Variants in RNF130 observed in about 807,000 individuals in gnomAD.
RNF130 encodes ring finger protein 130.
In RNF130, 21 loss-of-function variants were observed where a neutral mutation model predicts 44.6. The ratio of observed to expected loss-of-function variants is 0.47; its 90% CI spans 0.33 to 0.68. The LOEUF (loss-of-function observed/expected upper bound fraction) is 0.68. Among genes scored for constraint, RNF130 ranks in the 30% least tolerant of loss-of-function variants. RNF130 has a pLI of 0.02. For missense variants in RNF130, 479 were observed against 560.6 expected (o/e 0.85, Z 1.47); for synonymous variants, 214 against 210.4 (o/e 1.02, Z -0.15).
rs1561686259 is a variant in RNF130, at chr5:179,998,862, TA to T, written c.693+14198del. On this transcript the variant is annotated intron_variant, in intron 3 of 8. Transcript: ENST00000521389. ...CTCTCTTTAGATCTAGTATTTTTTA[TA>T]TATATATATATATATATATATGTTT... Among the ~76,000 whole-genome samples the T allele has an allele frequency of 2.4e-3, 155 of 65,860 alleles. 7 individuals are homozygous for T. The highest frequency in any genetic ancestry group is 7.0e-3 in the African/African-American group (125 of 17,848). The allele number at this position is 65,860 out of a possible 152,430, so 43.2% of individuals were successfully genotyped here.
chr5:179,983,808 T>C (rs1023923430), intron 3 of RNF130, among the ~76,000 whole-genome samples: 2 of 152,246 alleles, frequency 1.3e-5, no homozygotes, highest in Admixed American at 6.5e-5. Context: ...TCTTGATTAA[T>C]TTCCTCAGCA....
chr5:180,051,396 C>A (rs1295580228), intron 1 of RNF130, among the ~76,000 whole-genome samples: 1 of 151,980 alleles, frequency 6.6e-6, no homozygotes, highest in Non-Finnish European at 1.5e-5. Context: ...ACTACAGGTG[C>A]CCGCCATCAC....
chr5:180,012,933 T>G lies in RNF130; in HGVS notation c.693+128A>C, dbSNP rs913180963. 17 of 1,082,534 alleles carry G rather than the reference T, an allele frequency of 1.6e-5. No homozygotes were observed. In the African/African-American group the frequency reaches 2.2e-4, roughly 14 times the overall value. 67.1% of individuals were successfully genotyped at this position (1,082,534 alleles called of 1,614,324 possible). On this transcript the variant is annotated intron_variant, in intron 3 of 8. Coordinates refer to ENST00000521389, the MANE Select transcript of RNF130 (RefSeq NM_018434.6). ...TACTCATGTAGACGTTTCCAACATA[T>G]TAAAATGACTGAGTGAGGGTAACAA...
At chr5:180,009,974 G>A (rs1027913158) in intron 3 of RNF130, among the ~76,000 whole-genome samples, 54 of 152,242 alleles carry the variant, frequency 3.5e-4, no homozygotes, top group East Asian at 2.7e-3. Context: ...TTGGCCGGGC[G>A]CAGTGGCTCA....
intron 7 of RNF130, among the ~76,000 whole-genome samples, chr5:179,933,527 C>CTT (rs765853991): frequency 7.0e-6 from 1 of 142,420 alleles, no homozygotes; most frequent in African/African-American, 2.6e-5. Flanking sequence ...TAATTTAAAA[C>CTT]TTTTTTTTTT....
chr5:180,026,552 C>A (rs1207259743), intron 2 of RNF130, among the ~76,000 whole-genome samples: 1 of 152,154 alleles, frequency 6.6e-6, no homozygotes. Context: ...ACGTCATGGA[C>A]AGGGCACTGG....
chr5:179,935,977 G>A (rs906149077), intron 7 of RNF130, among the ~76,000 whole-genome samples: 4 of 152,030 alleles, frequency 2.6e-5, no homozygotes, highest in South Asian at 2.1e-4. Flanking sequence ...CTCACACATC[G>A]AGCAGCACTT....
intron 1 of RNF130, among the ~76,000 whole-genome samples, chr5:180,055,246 C>A: frequency 1.7e-5 from 1 of 59,456 alleles, no homozygotes; most frequent in East Asian, 5.9e-4. Flanking sequence ...GAGGTTCTGT[C>A]TCAAAAAAAA....
rs747220859 is a variant in RNF130 at position 179,936,153 on chromosome 5, G to A, written c.1151-15727C>T. On this transcript the variant is annotated intron_variant, in intron 7 of 7. Coordinates refer to the RNF130 transcript ENST00000522208. ...TTCTCTTATCTTGAGACAGGGTCTC[G>A]CTCTGTCACCCAGGCTGGAGTGCAG... Among the ~76,000 whole-genome samples, 35 of 152,128 alleles carry A rather than the reference G, an allele frequency of 2.3e-4. 1 individual carries two copies. Among genetic ancestry groups the A allele is most frequent in the Non-Finnish European group, 3.1e-4 (21 of 68,026 alleles).
intron 7 of RNF130, among the ~76,000 whole-genome samples, chr5:179,940,349 T>C (rs1761954676): frequency 1.3e-5 from 2 of 151,930 alleles, no homozygotes; most frequent in African/African-American, 4.8e-5. Context: ...GCATCCTGAG[T>C]AGCTGGGATT....
chr5:179,922,035 AG>A (rs1199632537), intron 7 of RNF130, among the ~76,000 whole-genome samples: 1 of 151,726 alleles, frequency 6.6e-6, no homozygotes, highest in Non-Finnish European at 1.5e-5. Flanking sequence ...AAGAAAAAAA[AG>A]GAAAAAGAAA....
In RNF130 at chr5:180,037,638, G is replaced by C. The variant is rs548148575; in HGVS notation, c.442+2815C>G. On this transcript the variant is annotated intron_variant, in intron 2 of 8. Coordinates refer to ENST00000521389, the MANE Select transcript of RNF130 (RefSeq NM_018434.6). Reference sequence around the variant, plus strand: ...GTCATATTCCAGACTTACTGAATCAGAATTTGCATTTTAACAAGATTCTGA... The same window carrying C: ...GTCATATTCCAGACTTACTGAATCACAATTTGCATTTTAACAAGATTCTGA... Among the ~76,000 whole-genome samples, 41 of 152,278 alleles carry C rather than the reference G, an allele frequency of 2.7e-4. 1 individual carries two copies. In the South Asian group the frequency reaches 7.7e-3, roughly 28 times the overall value.
downstream of RNF130, among the ~76,000 whole-genome samples, chr5:179,951,485 G>A (rs1261300442): frequency 2.0e-5 from 3 of 151,638 alleles, no homozygotes; most frequent in South Asian, 4.2e-4. Context: ...CCGGGTTCAC[G>A]CCATTCTCCT....
chr5:179,946,923 G>T (rs1334594552), intron 7 of RNF130, among the ~76,000 whole-genome samples: 2 of 152,074 alleles, frequency 1.3e-5, no homozygotes, highest in South Asian at 2.1e-4. Context: ...TCTCAGGGCC[G>T]GTTGCCACCC....
intron 7 of RNF130, among the ~76,000 whole-genome samples, chr5:179,924,124 C>T (rs1013857512): frequency 4.6e-5 from 7 of 152,152 alleles, no homozygotes; most frequent in Middle Eastern, 3.4e-3. Context: ...GTGGGAGGAT[C>T]GCTTGAGCCC....
At chr5:180,040,320 C>G in intron 2 of RNF130, 133 bp downstream of exon 2, 2 of 802,370 alleles carry the variant, frequency 2.5e-6, no homozygotes, top group South Asian at 2.0e-5. Flanking sequence ...AAACATGCAT[C>G]CCAACAAACA....
At chr5:180,059,456 G>C (rs1479138938) in intron 1 of RNF130, among the ~76,000 whole-genome samples, 1 of 152,176 alleles carries the variant, frequency 6.6e-6, no homozygotes, top group African/African-American at 2.4e-5. Flanking sequence ...ACAGCATGCA[G>C]GAACTTCCTG....
At chr5:179,939,864 A>G in intron 7 of RNF130, 1 of 358,902 alleles carries the variant, frequency 2.8e-6, no homozygotes, top group Non-Finnish European at 5.4e-6. Flanking sequence ...ACATCATCTG[A>G]GTTATGGAGG....
chr5:179,963,921 A>T (rs1264756803), intron 7 of RNF130: 1 of 214,264 alleles, frequency 4.7e-6, no homozygotes, highest in Non-Finnish European at 9.4e-6. Flanking sequence ...AAAGTAGACT[A>T]AGCATATTTA....
Sources: gnomAD v4.1 joint callset for allele counts (sites outside exome capture counted in the v4.1 genomes callset) on GRCh38, gnomAD v4.1.1 for gene constraint, MANE v1.5 for transcripts, NCBI Gene and HGNC (gene_info 2026-07-23, HGNC 2026-07-21) for gene names.